DNAI3: variants seen among roughly 807,000 people sequenced by gnomAD.
DNAI3 encodes the protein dynein axonemal intermediate chain 3, also known as WD repeat domain 63.
DNAI3 carries 83 observed loss-of-function variants against 115.5 expected under a neutral mutation model. The observed-to-expected ratio is 0.72, with a 90% CI of 0.60 to 0.86. The LOEUF is 0.86. Among genes scored for constraint, DNAI3 ranks in the 40% least tolerant of loss-of-function variants. DNAI3 has a pLI of 0.00. For synonymous variants in DNAI3, 320 were observed against 347.0 expected, an observed-to-expected ratio of 0.92 and a Z score of 0.86; for missense variants, 1,004 against 1,075.8, an observed-to-expected ratio of 0.93 and a Z score of 0.93.
At chr1:85,116,408 C>T (rs1218137353) in intron 16 of DNAI3, among the ~76,000 whole-genome samples, 2 of 152,226 alleles carry the variant, frequency 1.3e-5, no homozygotes, top group Non-Finnish European at 2.9e-5. Flanking sequence ...AGATCAGGGT[C>T]TTGTCTCCCC....
chr1:85,103,702 C>G (rs935474411), intron 13 of DNAI3, among the ~76,000 whole-genome samples: 1 of 151,928 alleles, frequency 6.6e-6, no homozygotes, highest in Non-Finnish European at 1.5e-5. Context: ...GCCTGGCCAA[C>G]ATAGCGAAAC....
At chr1:85,066,452 G>A (rs913463238) in intron 1 of DNAI3, among the ~76,000 whole-genome samples, 3 of 147,472 alleles carry the variant, frequency 2.0e-5, no homozygotes, top group African/African-American at 5.0e-5. Flanking sequence ...TCAGCCTCCC[G>A]AGTAGCTGAG....
At chr1:85,088,836 T>TG (rs1009072668) in intron 7 of DNAI3, among the ~76,000 whole-genome samples, 3 of 152,218 alleles carry the variant, frequency 2.0e-5, no homozygotes, top group African/African-American at 7.2e-5. Context: ...TATATCATTT[T>TG]GTTTTTTTTT....
At chr1:85,122,229 A>G (rs1248625776) in intron 18 of DNAI3, among the ~76,000 whole-genome samples, 3 of 152,240 alleles carry the variant, frequency 2.0e-5, no homozygotes, top group Non-Finnish European at 4.4e-5. Context: ...ATGTGAGATT[A>G]TAAGCAAAAT....
chr1:85,126,794 A>G (rs1656156544), intron 20 of DNAI3, 79 bp downstream of exon 20: 1 of 1,513,210 alleles, frequency 6.6e-7, no homozygotes, highest in Non-Finnish European at 9.1e-7. Context: ...AAAAGCCTCC[A>G]ATGTTTATTT....
Position 85,097,634 on chromosome 1 carries a change from AAGTAAAAG to A in DNAI3, c.1332_1339del (p.Lys445HisfsTer9). On this transcript the variant is annotated frameshift_variant, in exon 12 of 23. Coordinates refer to ENST00000294664, the MANE Select transcript of DNAI3 (RefSeq NM_145172.5). LOFTEE classifies it high-confidence loss of function. ...AAAACATTAAGGCAGGTGGTAGTAGAAGTAAAAGAGCCACACTGAAGGTAAGCTTTTTA... is the reference window on the plus strand; with the variant it reads ...AAAACATTAAGGCAGGTGGTAGTAGAAGCCACACTGAAGGTAAGCTTTTTA... The A allele has an allele frequency of 6.2e-7, 1 of 1,612,528 alleles. No homozygotes were observed. Among genetic ancestry groups the A allele is most frequent in the Admixed American group, 1.7e-5 (1 of 59,864 alleles).
rs564863364 is a variant in DNAI3 at position 85,077,512 on chromosome 1, G to T, written c.104-3722G>T. Among the ~76,000 whole-genome samples, 19 of 152,106 alleles carry T rather than the reference G, an allele frequency of 1.2e-4. No individual in the cohort carries two copies. The South Asian group carries it at 4.0e-3, about 32-fold the overall frequency. ...TTTTTCTTTTATGGAATACTTGCCAGCAATGGAATGAACCATTGCTACGTT... is the reference window on the plus strand; with the variant it reads ...TTTTTCTTTTATGGAATACTTGCCATCAATGGAATGAACCATTGCTACGTT... On this transcript the variant is annotated intron_variant, in intron 3 of 22. Coordinates refer to ENST00000294664, the MANE Select transcript of DNAI3 (RefSeq NM_145172.5).
chr1:85,092,794 T>TGC (rs2100579848), intron 8 of DNAI3, among the ~76,000 whole-genome samples: 1 of 145,372 alleles, frequency 6.9e-6, no homozygotes, highest in South Asian at 2.3e-4. Flanking sequence ...CAACTAAAAC[T>TGC]ACACACACAC....
chr1:85,105,586 G>A (rs867994319), intron 14 of DNAI3, among the ~76,000 whole-genome samples: 10 of 150,736 alleles, frequency 6.6e-5, no homozygotes, highest in African/African-American at 2.2e-4. Flanking sequence ...AGGCTCTGAA[G>A]GCAAATTCAT....
intron 16 of DNAI3, among the ~76,000 whole-genome samples, chr1:85,116,957 C>G (rs960943630): frequency 6.6e-6 from 1 of 152,012 alleles, no homozygotes; most frequent in East Asian, 1.9e-4. Context: ...TGTAATATGT[C>G]TTTTTAGTAT....
In DNAI3 at chr1:85,108,111, T is replaced by C. The variant is rs1408817062; in HGVS notation, c.1632T>C (p.Ile544=). The C allele has an allele frequency of 6.2e-7, 1 of 1,610,756 alleles. No individual in the cohort carries two copies. Among genetic ancestry groups the C allele is most frequent in the Non-Finnish European group, 8.5e-7 (1 of 1,178,564 alleles). ...QTTEKKKEES[I]EIPFDVPSTF... is the part of the protein sequence containing the mutation. ...CAGAGAAAAAGAAGGAGGAAAGTAT[T>C]GAAATTCCTTTTGATGTACCATCTA... Residue 544 remains isoleucine (I), a synonymous_variant, in exon 15 of 23, where the codon ATT becomes ATC. Transcript: ENST00000294664.
intron 7 of DNAI3, among the ~76,000 whole-genome samples, chr1:85,087,920 C>T (rs11161525): frequency 3.3e-5 from 5 of 151,610 alleles, no homozygotes; most frequent in African/African-American, 9.7e-5. Context: ...AAAGTCAGGG[C>T]ATATATATAT....
intron 17 of DNAI3, among the ~76,000 whole-genome samples, chr1:85,118,859 G>C (rs1655908957): frequency 6.6e-6 from 1 of 151,982 alleles, no homozygotes; most frequent in Non-Finnish European, 1.5e-5. Flanking sequence ...GAATCTCAAA[G>C]GTCAGGTTGA....
chr1:85,107,262 T>C (rs1655515427), intron 14 of DNAI3, among the ~76,000 whole-genome samples: 1 of 152,112 alleles, frequency 6.6e-6, no homozygotes. Context: ...AATGCAAACA[T>C]ATACAAATGT....
At chr1:85,111,170 G>A (rs1655649443) in intron 16 of DNAI3, among the ~76,000 whole-genome samples, 2 of 152,140 alleles carry the variant, frequency 1.3e-5, no homozygotes, top group Admixed American at 6.5e-5. Context: ...CTAATACCCA[G>A]CTTGAGCAAA....
At chr1:85,074,560 C>T (rs149119811) in intron 3 of DNAI3, among the ~76,000 whole-genome samples, 116 of 152,354 alleles carry the variant, frequency 7.6e-4, no homozygotes, top group African/African-American at 2.6e-3. Flanking sequence ...ATCTAGACTA[C>T]CATCTCACTT....
Position 85,108,159 on chromosome 1 carries a change from C to G in DNAI3, c.1680C>G (p.Ser560=), listed in dbSNP as rs775469201. ...VPSTFLHLDL[S]WKPLTKVRLS... ...CTACTTTTTTGCATCTGGATCTCTC[C>G]TGGAAACCTCTCACTAAGGTAAGTA... Residue 560 remains serine, a synonymous_variant, in exon 15 of 23, where the codon TCC becomes TCG. Coordinates refer to ENST00000294664, the MANE Select transcript of DNAI3 (RefSeq NM_145172.5). 2 of 1,599,358 alleles carry G rather than the reference C, an allele frequency of 1.3e-6. No homozygotes were observed. The highest frequency in any genetic ancestry group is 1.7e-6 in the Non-Finnish European group (2 of 1,175,428).
chr1:85,116,576 C>T (rs1655823802), intron 16 of DNAI3, among the ~76,000 whole-genome samples: 2 of 152,144 alleles, frequency 1.3e-5, no homozygotes, highest in South Asian at 4.1e-4. Context: ...GAGGAACAGA[C>T]ATTGAAATGT....
intron 20 of DNAI3, among the ~76,000 whole-genome samples, chr1:85,127,712 G>C (rs984936573): frequency 6.6e-6 from 1 of 152,074 alleles, no homozygotes; most frequent in African/African-American, 2.4e-5. Flanking sequence ...TTCCCACTTT[G>C]GTGTAAAACA....
Sources: allele counts gnomAD v4.1 joint callset (sites outside exome capture counted in the v4.1 genomes callset), GRCh38; gene constraint gnomAD v4.1.1; transcripts MANE v1.5; gene names NCBI Gene and HGNC (gene_info 2026-07-23, HGNC 2026-07-21).